SUGCT: variants seen among roughly 807,000 people sequenced by gnomAD.
SUGCT encodes the protein succinyl-CoA:glutarate-CoA transferase.
SUGCT carries 41 observed loss-of-function variants against 55.0 expected under a neutral mutation model. The observed-to-expected ratio is 0.74, with a 90% CI of 0.58 to 0.97. The LOEUF (loss-of-function observed/expected upper bound fraction) is 0.97. Among genes scored for constraint, SUGCT ranks in the 50% least tolerant of loss-of-function variants. The pLI is 0.00. For missense variants in SUGCT, 568 were observed against 547.8 expected, an observed-to-expected ratio of 1.04 and a Z score of -0.37; for synonymous variants, 187 against 200.4, an observed-to-expected ratio of 0.93 and a Z score of 0.56.
intron 8 of SUGCT, among the ~76,000 whole-genome samples, chr7:40,276,515 A>G (rs1792490051): frequency 6.6e-6 from 1 of 152,220 alleles, no homozygotes; most frequent in Admixed American, 6.5e-5. Context: ...CAAATTATGT[A>G]GCAGGTCGTG....
In SUGCT at chr7:40,457,441, C is replaced by CA. The variant is rs553695773; in HGVS notation, c.889-1649dup. Reference sequence around the variant, plus strand: ...CCTACGCAGCAGTGTGAGACTGTCTCAAAAAAAAAAATATCTTTTGGGGGA... The same window carrying CA: ...CCTACGCAGCAGTGTGAGACTGTCTCAAAAAAAAAAAATATCTTTTGGGGGA... On this transcript the variant is annotated intron_variant, in intron 10 of 13. Coordinates refer to ENST00000335693, the MANE Select transcript of SUGCT (RefSeq NM_001193313.2). Among the ~76,000 whole-genome samples the CA allele has an allele frequency of 2.9e-3, 420 of 144,760 alleles. 1 individual carries two copies. Among genetic ancestry groups the CA allele is most frequent in the Non-Finnish European group, 3.6e-3 (234 of 65,766 alleles). The allele number at this position is 144,760 out of a possible 152,430, so 95.0% of individuals were successfully genotyped here.
intron 12 of SUGCT, among the ~76,000 whole-genome samples, chr7:40,516,136 A>T (rs983211374): frequency 8.5e-5 from 13 of 152,100 alleles, no homozygotes; most frequent in Admixed American, 8.5e-4. Context: ...CTTTTAAGGT[A>T]TTATTGACGC....
Position 40,429,926 on chromosome 7 carries a change from AT to A in SUGCT, c.817-19356del, listed in dbSNP as rs1787805642. ...CACATATTAAGTGAGATTATGCAAT[AT>A]TTTTCTTTCTGTGTCTGACTTATTT... On this transcript the variant is annotated intron_variant, in intron 9 of 13. Coordinates refer to ENST00000335693, the MANE Select transcript of SUGCT (RefSeq NM_001193313.2). Among the ~76,000 whole-genome samples, 3 of 152,192 alleles carry A rather than the reference AT, an allele frequency of 2.0e-5. No individual in the cohort carries two copies. In the South Asian group the frequency reaches 6.2e-4, roughly 32 times the overall value.
intron 13 of SUGCT, among the ~76,000 whole-genome samples, chr7:40,782,946 A>G (rs532368042): frequency 6.6e-6 from 1 of 152,140 alleles, no homozygotes; most frequent in African/African-American, 2.4e-5. Context: ...GATTTTCTGC[A>G]AAGGGGACTC....
intron 12 of SUGCT, chr7:40,683,965 C>G: frequency 6.5e-7 from 1 of 1,546,318 alleles, no homozygotes; most frequent in Non-Finnish European, 8.7e-7. Flanking sequence ...GGGGGAAAAG[C>G]CATTTCCTTG....
intron 12 of SUGCT, among the ~76,000 whole-genome samples, chr7:40,601,157 A>ATTTT (rs771472776): frequency 2.6e-5 from 4 of 152,220 alleles, no homozygotes; most frequent in Admixed American, 6.5e-5. Context: ...GGCCAGATGT[A>ATTTT]TTAGTAGCAA....
chr7:40,793,368 T>G (rs1790405845), intron 13 of SUGCT: 1 of 152,158 alleles, frequency 6.6e-6, no homozygotes, highest in Non-Finnish European at 1.5e-5. Context: ...TTGGTCAGCT[T>G]CTGATACTTT....
At chr7:40,234,168 T>A (rs1788876537) in intron 6 of SUGCT, among the ~76,000 whole-genome samples, 1 of 152,202 alleles carries the variant, frequency 6.6e-6, no homozygotes, top group African/African-American at 2.4e-5. Context: ...TTTGAGGGAT[T>A]TGGGCTCCTG....
intron 7 of SUGCT, among the ~76,000 whole-genome samples, chr7:40,244,590 A>G (rs1789686525): frequency 6.6e-6 from 1 of 152,198 alleles, no homozygotes; most frequent in African/African-American, 2.4e-5. Context: ...AGTGTGCAGG[A>G]TGGATTAAAT....
At chr7:40,798,242 C>T (rs1790643476) in intron 13 of SUGCT, among the ~76,000 whole-genome samples, 1 of 152,058 alleles carries the variant, frequency 6.6e-6, no homozygotes, top group Admixed American at 6.6e-5. Flanking sequence ...ATCTTTTATC[C>T]TCAGCCCCTT....
At position 40,860,510 on chromosome 7, in the gene SUGCT, G is replaced by A. The variant is rs939663113; in HGVS notation, c.*31G>A. On this transcript the variant is annotated 3_prime_UTR_variant, in exon 14 of 14. Coordinates refer to ENST00000335693, the MANE Select transcript of SUGCT (RefSeq NM_001193313.2). ...GAAAAGGGCTCTTCCTCATAACCTC[G>A]ATCCGAATACACTGGCAAAGGCAAC... The A allele has an allele frequency of 2.5e-6, 4 of 1,594,120 alleles. No homozygotes were observed. Among genetic ancestry groups the A allele is most frequent in the Admixed American group, 3.4e-5 (2 of 58,954 alleles).
the SUGCT span, among the ~76,000 whole-genome samples, chr7:41,023,849 G>C: frequency 1.3e-3 from 198 of 152,184 alleles, no homozygotes; most frequent in African/African-American, 4.7e-3. Flanking sequence ...TGTTGAAAAA[G>C]CAATAGCCAT....
chr7:40,391,885 A>C (rs1785453723), intron 9 of SUGCT, among the ~76,000 whole-genome samples: 1 of 152,200 alleles, frequency 6.6e-6, no homozygotes, highest in South Asian at 2.1e-4. Flanking sequence ...GAACCAACCC[A>C]AAGGTCCATC....
chr7:40,476,490 T>C (rs1790684786), intron 11 of SUGCT, among the ~76,000 whole-genome samples: 1 of 152,212 alleles, frequency 6.6e-6, no homozygotes, highest in African/African-American at 2.4e-5. Context: ...TTTATATGCA[T>C]AGTTAGATGT....
intron 13 of SUGCT, among the ~76,000 whole-genome samples, chr7:40,813,033 C>T (rs1384851680): frequency 6.6e-6 from 1 of 151,968 alleles, no homozygotes; most frequent in Non-Finnish European, 1.5e-5. Flanking sequence ...AGGTCTTCTT[C>T]GTACTGATTT....
intron 9 of SUGCT, among the ~76,000 whole-genome samples, chr7:40,390,877 C>G (rs1019985628): frequency 1.6e-4 from 24 of 152,204 alleles, no homozygotes; most frequent in African/African-American, 5.8e-4. Context: ...TACCTGACTT[C>G]AAACTATACT....
chr7:40,461,217 TAG>T (rs1789780010), intron 11 of SUGCT, among the ~76,000 whole-genome samples: 1 of 152,204 alleles, frequency 6.6e-6, no homozygotes, highest in East Asian at 1.9e-4. Context: ...CTGGAATCAT[TAG>T]TACTGCTTAG....
chr7:40,766,107 G>C lies in SUGCT; in HGVS notation c.1153+16610G>C, dbSNP rs111789123. ...TATACTTGAATTCCAACATAATATA[G>C]TTGAAACCATGAAGCCCTCAAAAGT... On this transcript the variant is annotated intron_variant, in intron 13 of 13. Coordinates refer to ENST00000335693, the MANE Select transcript of SUGCT (RefSeq NM_001193313.2). Among the ~76,000 whole-genome samples, 314 of 152,216 alleles carry C rather than the reference G, an allele frequency of 2.1e-3. 1 individual carries two copies. The highest frequency in any genetic ancestry group is 2.2e-3 in the Non-Finnish European group (152 of 68,006).
At chr7:40,305,880 A>T (rs1794828484) in intron 8 of SUGCT, among the ~76,000 whole-genome samples, 2 of 151,952 alleles carry the variant, frequency 1.3e-5, no homozygotes. Context: ...GCCCAGGCTG[A>T]TCTTGAACTC....
Sources: gnomAD v4.1 joint callset for allele counts (sites outside exome capture counted in the v4.1 genomes callset) on GRCh38, gnomAD v4.1.1 for gene constraint, MANE v1.5 for transcripts, NCBI Gene and HGNC (gene_info 2026-07-23, HGNC 2026-07-21) for gene names.